Variants in DMXL2 observed in about 807,000 individuals in gnomAD.
DMXL2 encodes Dmx like 2.
In DMXL2, 103 loss-of-function variants were observed where a neutral mutation model predicts 331.1. The ratio of observed to expected loss-of-function variants is 0.31; its 90% CI spans 0.27 to 0.37. The LOEUF is 0.37. Ranked by LOEUF, DMXL2 falls within the 10% of genes least tolerant of loss-of-function variation. The probability of loss-of-function intolerance (pLI) is 1.00; values close to 1 mark genes in which losing one functional copy is unlikely to be tolerated. For missense variants in DMXL2, 3,171 were observed against 3,642.9 expected (o/e 0.87, Z 3.33); for synonymous variants, 1,281 against 1,252.1 (o/e 1.02, Z -0.49).
chr15:51,451,451 A>G (rs975963923), intron 42 of DMXL2, among the ~76,000 whole-genome samples, 194 bp downstream of exon 42: 4 of 152,204 alleles, frequency 2.6e-5, no homozygotes, highest in African/African-American at 7.2e-5. Flanking sequence ...GAGACCATAT[A>G]TCTTTAACTC....
Position 51,471,372 on chromosome 15 carries a change from T to A in DMXL2, c.7243A>T (p.Lys2415Ter). Residue 2415 changes from lysine to a stop codon, truncating the protein, a stop_gained, in exon 29 of 44, where the codon AAA becomes TAA. Coordinates refer to ENST00000560891, the MANE Select transcript of DMXL2 (RefSeq NM_001378457.1). LOFTEE classifies it high-confidence loss of function. ...CTCATGTTAAATCTCCTACGGTGTTTATCTATGTCTTCAGAAAGGACAGGA... is the reference window on the plus strand; with the variant it reads ...CTCATGTTAAATCTCCTACGGTGTTAATCTATGTCTTCAGAAAGGACAGGA... ...APPVLSEDID[K>*]HRRRFNMRML... 6.2e-7 allele frequency: 1 copy of A among 1,612,890 alleles called. No homozygotes were observed. The highest frequency in any genetic ancestry group is 8.5e-7 in the Non-Finnish European group (1 of 1,179,268).
rs1836425644 is a variant in DMXL2, at chr15:51,536,551, T to C, written c.1929A>G (p.Lys643=). 1.2e-6 allele frequency: 2 copies of C among 1,613,898 alleles called. No individual in the cohort carries two copies. The highest frequency in any genetic ancestry group is 1.7e-6 in the Non-Finnish European group (2 of 1,179,942). Reference sequence around the variant, plus strand: ...GAAATCGATGACCGCAATATCTAAATTTGTGAGATACAGTTAGAACAGTGG... The same window carrying C: ...GAAATCGATGACCGCAATATCTAAACTTGTGAGATACAGTTAGAACAGTGG... ...AFTTVLTVSH[K]FRYCGHRFHL... Residue 643 remains lysine (K), a synonymous_variant, in exon 12 of 44, where the codon AAA becomes AAG. Coordinates refer to ENST00000560891, the MANE Select transcript of DMXL2 (RefSeq NM_001378457.1).
chr15:51,483,515 C>A (rs1006624153), intron 23 of DMXL2, among the ~76,000 whole-genome samples: 1 of 152,158 alleles, frequency 6.6e-6, no homozygotes. Context: ...GGTGAACCTG[C>A]CCTTGAGCCA....
intron 1 of DMXL2, among the ~76,000 whole-genome samples, chr15:51,577,541 T>C (rs1319994416): frequency 2.0e-5 from 3 of 152,184 alleles, no homozygotes; most frequent in South Asian, 2.1e-4. Flanking sequence ...TACATTCTTA[T>C]AGACAAGGCA....
At chr15:51,602,506 C>T (rs769811950) in intron 1 of DMXL2, among the ~76,000 whole-genome samples, 9 of 152,102 alleles carry the variant, frequency 5.9e-5, no homozygotes, top group Non-Finnish European at 1.0e-4. Context: ...ACTGGTTTTC[C>T]AGCCAGAAAA....
intron 29 of DMXL2, among the ~76,000 whole-genome samples, chr15:51,470,101 G>C (rs886924614): frequency 6.6e-6 from 1 of 152,126 alleles, no homozygotes; most frequent in African/African-American, 2.4e-5. Flanking sequence ...CGATGCTGCC[G>C]GTTCTGAGAC....
At chr15:51,538,163 A>G (rs1229988768) in intron 10 of DMXL2, 50 bp downstream of exon 10, 1 of 1,561,338 alleles carries the variant, frequency 6.4e-7, no homozygotes, top group Non-Finnish European at 8.7e-7. Context: ...GTGGTACCAC[A>G]GAAAGCTGTT....
chr15:51,486,871 A>G (rs897971285), intron 22 of DMXL2, among the ~76,000 whole-genome samples: 3 of 152,154 alleles, frequency 2.0e-5, no homozygotes, highest in Admixed American at 6.5e-5. Context: ...CTTTGCTTGA[A>G]TATCTTCTAA....
At chr15:51,510,250 A>G (rs529800836) in intron 15 of DMXL2, among the ~76,000 whole-genome samples, 4 of 152,364 alleles carry the variant, frequency 2.6e-5, no homozygotes, top group African/African-American at 7.2e-5. Flanking sequence ...TCAAATAGGA[A>G]GAGAGGAAGT....
chr15:51,488,709 A>G, intron 20 of DMXL2, 64 bp from the exon 21 acceptor site: 6 of 1,395,922 alleles, frequency 4.3e-6, no homozygotes, highest in Non-Finnish European at 6.0e-6. Context: ...ATTAATCAAC[A>G]ATAATGTTCC....
intron 1 of DMXL2, among the ~76,000 whole-genome samples, chr15:51,583,227 T>C (rs2051594462): frequency 9.6e-6 from 1 of 103,758 alleles, no homozygotes; most frequent in Admixed American, 1.0e-4. Context: ...CTGCACCCAC[T>C]AATGTGTCAT....
At chr15:51,540,148 G>A (rs952358696) in intron 9 of DMXL2, among the ~76,000 whole-genome samples, 2 of 152,138 alleles carry the variant, frequency 1.3e-5, no homozygotes, top group African/African-American at 4.8e-5. Flanking sequence ...TATTCAGACT[G>A]TGAGACATTT....
intron 43 of DMXL2, 135 bp from the exon 44 acceptor site, chr15:51,449,328 T>C (rs1291554317): frequency 2.6e-5 from 19 of 722,222 alleles, no homozygotes; most frequent in Non-Finnish European, 4.1e-5. Flanking sequence ...CCTAAGAGCT[T>C]ATCTAAGTGG....
intron 2 of DMXL2, among the ~76,000 whole-genome samples, chr15:51,573,630 TG>T (rs2050815388): frequency 6.6e-6 from 1 of 151,324 alleles, no homozygotes; most frequent in African/African-American, 2.4e-5. Context: ...CACTCATCAG[TG>T]GGAGTTGAAC....
At chr15:51,563,841 C>G (rs1596272630) in intron 5 of DMXL2, among the ~76,000 whole-genome samples, 1 of 152,046 alleles carries the variant, frequency 6.6e-6, no homozygotes, top group Non-Finnish European at 1.5e-5. Context: ...TCCCCCTCTC[C>G]ATCCTTACCT....
intron 31 of DMXL2, 51 bp downstream of exon 31, chr15:51,465,515 G>T (rs764267030): frequency 3.0e-6 from 4 of 1,320,988 alleles, no homozygotes; most frequent in Non-Finnish European, 4.3e-6. Context: ...AGAGAAACTT[G>T]ACGGCAATTT....
chr15:51,622,502 T>C lies in DMXL2; in HGVS notation c.44A>G (p.Asp15Gly). Reference protein sequence around the residue: ...QVLTGAVNPGDNCYSVGSVGD... With the variant: ...QVLTGAVNPGGNCYSVGSVGD... Reference sequence around the variant, plus strand: ...GACGCTGCCCACGGAGTAGCAGTTGTCTCCAGGGTTGACAGCTCCGGTGAG... The same window carrying C: ...GACGCTGCCCACGGAGTAGCAGTTGCCTCCAGGGTTGACAGCTCCGGTGAG... Residue 15 changes from aspartate (D) to glycine (G), a missense_variant, in exon 1 of 44, where the codon GAC becomes GGC. Physicochemically the swap from Asp to Gly is moderately conservative, Grantham distance 94. Around this residue, in one of 7 missense-constraint regions of DMXL2, gnomAD observed 1,674 missense variants for 1,780.2 expected, o/e 0.94. Transcript: ENST00000560891. 1 of 1,570,010 alleles carries C rather than the reference T, an allele frequency of 6.4e-7. No individual in the cohort carries two copies. The highest frequency in any genetic ancestry group is 8.6e-7 in the Non-Finnish European group (1 of 1,157,084).
chr15:51,471,550 A>G, intron 28 of DMXL2, 149 bp from the exon 29 acceptor site: 1 of 678,068 alleles, frequency 1.5e-6, no homozygotes, highest in Non-Finnish European at 2.3e-6. Context: ...CTAGTTACTG[A>G]ATCAGCTTTC....
At chr15:51,611,791 T>C (rs1256341404) in intron 1 of DMXL2, among the ~76,000 whole-genome samples, 1 of 152,148 alleles carries the variant, frequency 6.6e-6, no homozygotes, top group African/African-American at 2.4e-5. Context: ...GATTGTAAAA[T>C]GCACCAATCA....
Sources: allele counts gnomAD v4.1 joint callset (sites outside exome capture counted in the v4.1 genomes callset), GRCh38; gene constraint gnomAD v4.1.1; regional missense constraint gnomAD v4.1.1; transcripts MANE v1.5; gene names NCBI Gene and HGNC (gene_info 2026-07-23, HGNC 2026-07-21).